The following RCBTB1 variants were observed in gnomAD, a reference collection of about 807,000 sequenced individuals.
RCBTB1 encodes the protein RCC1 and BTB domain containing protein 1, also known as RCC1 and BTB domain-containing protein 1.
A neutral mutation model predicts 62.4 loss-of-function variants in RCBTB1; 46 were observed. The ratio of observed to expected loss-of-function variants is 0.74; its 90% CI spans 0.58 to 0.94. The LOEUF is 0.94. Among genes scored for constraint, RCBTB1 ranks in the 40% least tolerant of loss-of-function variants. The pLI, the probability that RCBTB1 is intolerant of heterozygous loss-of-function variation, is 0.00. For missense variants in RCBTB1, 565 were observed against 654.9 expected (o/e 0.86, Z 1.50); for synonymous variants, 222 against 245.8 (o/e 0.90, Z 0.91).
chr13:49,540,849 C>T (rs763865636), intron 12 of RCBTB1, 27 bp downstream of exon 12: 3 of 1,607,690 alleles, frequency 1.9e-6, no homozygotes, highest in Non-Finnish European at 1.7e-6. Context: ...TAAAGGTGGT[C>T]TGGTTTCTGT....
chr13:49,548,346 G>T (rs1159409775), intron 9 of RCBTB1, among the ~76,000 whole-genome samples: 1 of 148,064 alleles, frequency 6.8e-6, no homozygotes, highest in Admixed American at 6.8e-5. Context: ...CCGAGATCGC[G>T]CCATTGCACC....
At chr13:49,556,926 C>T (rs1433818684) in intron 5 of RCBTB1, among the ~76,000 whole-genome samples, 3 of 152,200 alleles carry the variant, frequency 2.0e-5, no homozygotes, top group Admixed American at 1.3e-4. Context: ...TCTTCTGGCA[C>T]TTCTCAAATA....
chr13:49,566,801 T>C (rs762492479), intron 3 of RCBTB1, 33 bp from the exon 4 acceptor site: 7 of 1,580,516 alleles, frequency 4.4e-6, no homozygotes, highest in African/African-American at 4.1e-5. Flanking sequence ...TCTGAGTCTT[T>C]TGACCGAAAG....
At position 49,532,441 on chromosome 13, in the gene RCBTB1, G is replaced by T. The variant is rs1959630818; in HGVS notation, c.*1681C>A. On this transcript the variant is annotated 3_prime_UTR_variant, in exon 13 of 13. Transcript: ENST00000378302. ...AGTTCACATTTTGCTCAGATCATAAGCCTATAGAACAGTGATTGTTACAAA... is the reference window on the plus strand; with the variant it reads ...AGTTCACATTTTGCTCAGATCATAATCCTATAGAACAGTGATTGTTACAAA... The T allele has an allele frequency of 6.6e-6, 1 of 152,522 alleles. No homozygotes were observed. Among genetic ancestry groups the T allele is most frequent in the Admixed American group, 6.5e-5 (1 of 15,272 alleles). The allele number at this position is 152,522 out of a possible 1,614,324, so 9.4% of individuals were successfully genotyped here. A position where few individuals can be genotyped will look rare whatever the true frequency, so the allele number is the denominator to read the frequency against.
intron 4 of RCBTB1, among the ~76,000 whole-genome samples, chr13:49,561,773 G>A (rs895971576): frequency 4.6e-5 from 7 of 151,748 alleles, no homozygotes; most frequent in African/African-American, 1.7e-4. Flanking sequence ...AAAGCAAGAA[G>A]GTAGCTAATT....
chr13:49,549,706 C>T, intron 8 of RCBTB1, 58 bp from the exon 9 acceptor site: 2 of 1,522,814 alleles, frequency 1.3e-6, no homozygotes, highest in South Asian at 2.6e-5. Flanking sequence ...CCACAGCACA[C>T]CACACAAGGC....
chr13:49,569,686 T>C (rs1415312221), intron 2 of RCBTB1, among the ~76,000 whole-genome samples: 1 of 150,460 alleles, frequency 6.6e-6, no homozygotes, highest in Non-Finnish European at 1.5e-5. Flanking sequence ...ACTGCACTCC[T>C]TGTCTGGGTG....
At position 49,534,078 on chromosome 13, in the gene RCBTB1, A is replaced by G; in HGVS notation, c.*44T>C. 1 of 1,589,134 alleles carries G rather than the reference A, an allele frequency of 6.3e-7. No individual in the cohort carries two copies. The highest frequency in any genetic ancestry group is 8.6e-7 in the Non-Finnish European group (1 of 1,165,340). ...AGAGCACAAACTGGACACATCCTCA[A>G]CAGTGCCCCAGAGCACTCACACAGA... On this transcript the variant is annotated 3_prime_UTR_variant, in exon 13 of 13. Coordinates refer to ENST00000378302, the MANE Select transcript of RCBTB1 (RefSeq NM_018191.4).
At chr13:49,553,236 G>A (rs1430880301) in intron 6 of RCBTB1, among the ~76,000 whole-genome samples, 2 of 152,120 alleles carry the variant, frequency 1.3e-5, no homozygotes, top group East Asian at 1.9e-4. Context: ...CAGGGAAAGT[G>A]CAATACATCT....
intron 2 of RCBTB1, among the ~76,000 whole-genome samples, chr13:49,572,002 C>A (rs1380345015): frequency 2.0e-5 from 3 of 152,026 alleles, no homozygotes; most frequent in Non-Finnish European, 4.4e-5. Context: ...CTACGTCAGA[C>A]TTAAGAACTG....
At chr13:49,576,175 C>T (rs1327620839) in intron 2 of RCBTB1, among the ~76,000 whole-genome samples, 9 of 53,184 alleles carry the variant, frequency 1.7e-4, no homozygotes, top group Non-Finnish European at 2.6e-4. Flanking sequence ...CGACAGGCGT[C>T]GCAAAAAAAA....
intron 5 of RCBTB1, among the ~76,000 whole-genome samples, chr13:49,558,419 A>G (rs12585072): frequency 0.24 from 37,240 of 152,046 alleles, 5,911 homozygotes; most frequent in African/African-American, 0.44. Context: ...TAGGCTTGTC[A>G]TGGTGGCTAT....
At chr13:49,567,375 T>G in intron 2 of RCBTB1, 55 bp from the exon 3 acceptor site, 1 of 1,383,298 alleles carries the variant, frequency 7.2e-7, no homozygotes, top group Non-Finnish European at 9.9e-7. Context: ...GAGCTAACTT[T>G]CAAAAAAAAG....
Position 49,566,745 on chromosome 13 carries a change from A to G in RCBTB1, c.150T>C (p.Tyr50=). The G allele has an allele frequency of 6.2e-7, 1 of 1,612,582 alleles. No homozygotes were observed. ...TATCTCCAGTTCCTAGACAGTTACT[A>G]TAGTTCAGTCCAAATACAAAGACCT... ...NDEVFVFGLN[Y]SNCLGTGDNQ... Residue 50 remains tyrosine, a synonymous_variant, in exon 4 of 13, where the codon TAT becomes TAC. Transcript: ENST00000378302.
At position 49,559,962 on chromosome 13, in the gene RCBTB1, C is replaced by G. The variant is rs1594304752; in HGVS notation, c.400G>C (p.Ala134Pro). Residue 134 changes from alanine (A) to proline (P), a missense_variant, in exon 5 of 13, where the codon GCT becomes CCT. Physicochemically the swap from Ala to Pro is conservative, Grantham distance 27. Transcript: ENST00000378302. ...NLLIKQVVEV[A>P]CGSHHSMALA... ...GCCATTGAATGATGTGAGCCACAAG[C>G]TACTTCCACCACTTGCTTGATCAAG... is the stretch of plus-strand genomic sequence containing the variant. The G allele has an allele frequency of 1.9e-6, 3 of 1,614,158 alleles. No individual in the cohort carries two copies. The highest frequency in any genetic ancestry group is 3.3e-4 in the Middle Eastern group (2 of 6,062).
At chr13:49,553,206 G>A (rs1177336329) in intron 6 of RCBTB1, among the ~76,000 whole-genome samples, 1 of 152,058 alleles carries the variant, frequency 6.6e-6, no homozygotes, top group Non-Finnish European at 1.5e-5. Context: ...AGCTCAGAGG[G>A]AAAGTGACAA....
intron 10 of RCBTB1, 113 bp from the exon 11 acceptor site, chr13:49,541,940 G>T: frequency 8.1e-7 from 1 of 1,230,308 alleles, no homozygotes; most frequent in Non-Finnish European, 1.1e-6. Flanking sequence ...CTTGGGCCGG[G>T]CGTGGTGGCT....
chr13:49,537,133 T>G (rs972220579), intron 12 of RCBTB1, among the ~76,000 whole-genome samples: 2 of 152,152 alleles, frequency 1.3e-5, no homozygotes, highest in Non-Finnish European at 2.9e-5. Flanking sequence ...GGTGAGCAGG[T>G]GCCTCGGCAT....
intron 6 of RCBTB1, among the ~76,000 whole-genome samples, chr13:49,552,745 T>A (rs1961489016): frequency 6.6e-6 from 1 of 151,902 alleles, no homozygotes; most frequent in East Asian, 1.9e-4. Context: ...AAGGAAGACT[T>A]TTCAAAAAGT....
Sources: allele counts gnomAD v4.1 joint callset (sites outside exome capture counted in the v4.1 genomes callset), GRCh38; gene constraint gnomAD v4.1.1; transcripts MANE v1.5; gene names NCBI Gene and HGNC (gene_info 2026-07-23, HGNC 2026-07-21).